AP3M2: variants seen among roughly 807,000 people sequenced by gnomAD.
The protein encoded by AP3M2 is AP-3 complex subunit mu-2.
A neutral mutation model predicts 41.6 loss-of-function variants in AP3M2; 28 were observed. The ratio of observed to expected loss-of-function variants is 0.67; its 90% confidence interval spans 0.50 to 0.92. The LOEUF (loss-of-function observed/expected upper bound fraction) is 0.92, where lower values mean the gene tolerates loss of function less well. AP3M2 is among the 40% of genes least tolerant of loss of function. The pLI is 0.00. For missense variants in AP3M2, 427 were observed against 521.4 expected (o/e 0.82, Z 1.76); for synonymous variants, 193 against 186.4 (o/e 1.04, Z -0.29).
rs1371439754 is a variant in AP3M2, at chr8:42,167,074, A to C, written c.804-90A>C. 2.7e-6 allele frequency: 3 copies of C among 1,124,156 alleles called. No individual in the cohort carries two copies. In the African/African-American group the frequency reaches 4.6e-5, roughly 17 times the overall value. 69.6% of individuals were successfully genotyped at this position (1,124,156 alleles called of 1,614,324 possible). ...GGACATAGTTAAGGGAGAAGAAGCT[A>C]CCCACAGGGCAGAAAAAGCATCATG... On this transcript the variant is annotated intron_variant, in intron 6 of 8. Transcript: ENST00000396926.
At chr8:42,162,031 T>G in intron 3 of AP3M2, 1 of 312,882 alleles carries the variant, frequency 3.2e-6, no homozygotes, top group Non-Finnish European at 5.8e-6. Flanking sequence ...AACCAAAATA[T>G]GATATCTGTT....
chr8:42,168,323 T>G (rs890447910), intron 8 of AP3M2: 56 of 422,042 alleles, frequency 1.3e-4, no homozygotes, highest in Admixed American at 7.3e-4. Context: ...TTTACCATGT[T>G]CCAGGCACTG....
intron 6 of AP3M2, chr8:42,166,883 C>T (rs1312458675): frequency 2.5e-6 from 1 of 393,880 alleles, no homozygotes; most frequent in Non-Finnish European, 4.7e-6. Context: ...AATGACAATA[C>T]ATTTTTGTAC....
rs758573194 is a variant in AP3M2, at chr8:42,157,918, T to C, written c.274-23T>C. The C allele has an allele frequency of 2.5e-6, 4 of 1,595,084 alleles. No homozygotes were observed. The African/African-American group carries it at 4.0e-5, about 16-fold the overall frequency. ...TATTTTACAGTATCTGAGTGATCAA[T>C]GTGTATATTCTGTCTCCATCAGGAT... On this transcript the variant is annotated intron_variant, in intron 2 of 8. Coordinates refer to ENST00000396926, the MANE Select transcript of AP3M2 (RefSeq NM_006803.4).
chr8:42,166,679 A>G (rs1804647351), intron 6 of AP3M2, among the ~76,000 whole-genome samples: 1 of 150,524 alleles, frequency 6.6e-6, no homozygotes, highest in African/African-American at 2.5e-5. Flanking sequence ...TGGTGGGAGG[A>G]TCACTTGAGC....
rs1198276049 is a variant in AP3M2, at chr8:42,170,667, A to AT, written c.*1610dup. 1 of 152,038 alleles carries AT rather than the reference A, an allele frequency of 6.6e-6. No homozygotes were observed. The allele number at this position is 152,038 out of a possible 1,614,324, so 9.4% of individuals were successfully genotyped here. ...TGCTGCAGAGTTGTGTTGCTTTGTG[A>AT]TTTTCCTCTGGGATAGTGTACTGTA... On this transcript the variant is annotated 3_prime_UTR_variant, in exon 9 of 9. Transcript: ENST00000396926.
intron 5 of AP3M2, 42 bp downstream of exon 5, chr8:42,165,198 T>G: frequency 6.3e-7 from 1 of 1,582,752 alleles, no homozygotes. Context: ...GGATGAGAAA[T>G]TAAATGCTGC....
At chr8:42,159,960 C>T (rs935395601) in intron 3 of AP3M2, among the ~76,000 whole-genome samples, 1 of 152,078 alleles carries the variant, frequency 6.6e-6, no homozygotes, top group African/African-American at 2.4e-5. Flanking sequence ...CAGTAGACAT[C>T]CTACAAGACC....
chr8:42,158,049 A>T lies in AP3M2; in HGVS notation c.382A>T (p.Asn128Tyr). Residue 128 changes from asparagine to tyrosine, a missense_variant, in exon 3 of 9, where the codon AAC becomes TAC. Around this residue, in one of 3 missense-constraint regions of AP3M2, gnomAD observed 86 missense variants for 142.6 expected, o/e 0.60. Coordinates refer to ENST00000396926, the MANE Select transcript of AP3M2 (RefSeq NM_006803.4). Reference sequence around the variant, plus strand: ...TGGTTTTCCATTGGCTACCGAGTCGAACATTCTTAAAGAACTCATAAAGCC... The same window carrying T: ...TGGTTTTCCATTGGCTACCGAGTCGTACATTCTTAAAGAACTCATAAAGCC... ...DNGFPLATES[N>Y]ILKELIKPPT... The T allele has an allele frequency of 6.2e-7, 1 of 1,614,146 alleles. No homozygotes were observed. Among genetic ancestry groups the T allele is most frequent in the Non-Finnish European group, 8.5e-7 (1 of 1,180,020 alleles).
intron 3 of AP3M2, among the ~76,000 whole-genome samples, chr8:42,160,189 C>T (rs1804472808): frequency 1.3e-5 from 2 of 152,018 alleles, no homozygotes; most frequent in Non-Finnish European, 2.9e-5. Context: ...TCCAGATATT[C>T]CAAAATTTAA....
intron 3 of AP3M2, among the ~76,000 whole-genome samples, chr8:42,161,053 A>G (rs776295970): frequency 6.6e-6 from 1 of 152,190 alleles, no homozygotes; most frequent in Non-Finnish European, 1.5e-5. Flanking sequence ...GCCTGTATCC[A>G]ATACTTTAGG....
chr8:42,168,699 T>C (rs995034375), intron 8 of AP3M2, among the ~76,000 whole-genome samples: 4 of 152,224 alleles, frequency 2.6e-5, no homozygotes, highest in Admixed American at 2.0e-4. Context: ...ATTTTTTCCT[T>C]ATCCTCATTT....
rs1157401918 is a variant in AP3M2 at position 42,165,094 on chromosome 8, CA to C, written c.608del (p.Gln203ArgfsTer3). 3.7e-6 allele frequency: 6 copies of C among 1,613,794 alleles called. No homozygotes were observed. Among genetic ancestry groups the C allele is most frequent in the Non-Finnish European group, 5.1e-6 (6 of 1,179,916 alleles). ...AGGCTCCACAATTACTGCTGAGATC[CA>C]GGGGGTGATTGATGCCTGTGTCAAG... Reference protein sequence around the residue: ...KSGSTITAEIQGVIDACVKLT... With the variant: ...KSGSTITAEIXGVIDACVKLT... On this transcript the variant is annotated frameshift_variant, in exon 5 of 9. Coordinates refer to ENST00000396926, the MANE Select transcript of AP3M2 (RefSeq NM_006803.4). LOFTEE classifies it high-confidence loss of function.
chr8:42,154,884 T>C lies in AP3M2; in HGVS notation c.197T>C (p.Phe66Ser), dbSNP rs746987395. The C allele has an allele frequency of 3.1e-6, 5 of 1,614,182 alleles. No homozygotes were observed. The highest frequency in any genetic ancestry group is 3.3e-5 in the Admixed American group (2 of 60,018). The change falls in exon 2 of 9, where the codon TTT (phenylalanine) becomes TCT (serine). Residue 66 changes from phenylalanine (F) to serine (S), a missense_variant. Physicochemically the swap from Phe to Ser is radical, Grantham distance 155. Coordinates refer to ENST00000396926, the MANE Select transcript of AP3M2 (RefSeq NM_006803.4). ...AGTGTTTACCGCCACAAGATCTTTT[T>C]TGTGGCCGTGATCCAGACGGAGGTC... is the stretch of plus-strand genomic sequence containing the variant. ...LLSVYRHKIF[F>S]VAVIQTEVPP...
rs1471994570 is a variant in AP3M2 at position 42,168,961 on chromosome 8, G to A, written c.1157G>A (p.Gly386Glu). Residue 386 changes from glycine (G) to glutamate (E), a missense_variant and splice_region_variant, in exon 9 of 9, where the codon GGA (glycine) becomes GAA (glutamate). This residue lies in a region of AP3M2 where 237 missense variants were observed against 284.9 expected (regional missense o/e 0.83). Transcript: ENST00000396926. The stretch of plus-strand genomic sequence containing the variant: ...TTTTCCCTCTCTCCCTCCTTTCTAG[G>A]ACTCAAGGTGAATCGTCTGGATATG... Reference protein sequence around the residue: ...QFKIQQLAISGLKVNRLDMYG... With the variant: ...QFKIQQLAISELKVNRLDMYG... 1 of 1,597,592 alleles carries A rather than the reference G, an allele frequency of 6.3e-7. No homozygotes were observed. The highest frequency in any genetic ancestry group is 1.1e-5 in the South Asian group (1 of 88,262).
intron 7 of AP3M2, 64 bp downstream of exon 7, chr8:42,167,435 G>A (rs1564119412): frequency 1.9e-6 from 3 of 1,575,612 alleles, no homozygotes; most frequent in East Asian, 2.3e-5. Flanking sequence ...CAGGTTCTCT[G>A]TGTAGACTCT....
rs1804759687 is a variant in AP3M2, at chr8:42,170,180, G to C, written c.*1119G>C. ...ATCTGTCGCCCTAGAAAAAGAGAAAGCTTACCATCGAGGGTGTGGTTGATC... is the reference window on the plus strand; with the variant it reads ...ATCTGTCGCCCTAGAAAAAGAGAAACCTTACCATCGAGGGTGTGGTTGATC... On this transcript the variant is annotated 3_prime_UTR_variant, in exon 9 of 9. Transcript: ENST00000396926. 1 of 152,244 alleles carries C rather than the reference G, an allele frequency of 6.6e-6. No individual in the cohort carries two copies. The highest frequency in any genetic ancestry group is 2.4e-5 in the African/African-American group (1 of 41,462). 9.4% of individuals were successfully genotyped at this position (152,244 alleles called of 1,614,324 possible).
chr8:42,168,240 G>A (rs1451651811), intron 8 of AP3M2: 6 of 457,058 alleles, frequency 1.3e-5, no homozygotes, highest in Non-Finnish European at 2.6e-5. Flanking sequence ...GAACCACTGG[G>A]CCTTTCCAGG....
chr8:42,154,646 C>G lies in AP3M2; in HGVS notation c.-42C>G, dbSNP rs1285052974. 5 of 1,603,490 alleles carry G rather than the reference C, an allele frequency of 3.1e-6. No homozygotes were observed. The highest frequency in any genetic ancestry group is 1.3e-5 in the African/African-American group (1 of 74,512). On this transcript the variant is annotated 5_prime_UTR_variant, in exon 2 of 9. Transcript: ENST00000396926. ...AAAACTTACAGAGTCCTGAGGCTTT[C>G]AGACTGAAAAAGGCTTTCTTCTGTC...
Sources: allele counts gnomAD v4.1 joint callset (sites outside exome capture counted in the v4.1 genomes callset), GRCh38; gene constraint gnomAD v4.1.1; regional missense constraint gnomAD v4.1.1; transcripts MANE v1.5; gene names NCBI Gene and HGNC (gene_info 2026-07-23, HGNC 2026-07-21).